Variants in TENM2 observed in about 807,000 individuals in gnomAD.
TENM2 encodes the protein teneurin transmembrane protein 2.
A neutral mutation model predicts 245.2 loss-of-function variants in TENM2; 52 were observed. That is an observed-to-expected ratio of 0.21 (90% CI 0.17 to 0.27). The LOEUF is 0.27. Ranked by LOEUF, TENM2 falls within the 10% of genes least tolerant of loss-of-function variation. TENM2 has a pLI of 1.00. For missense variants in TENM2, 3,046 were observed against 3,666.8 expected (o/e 0.83, Z 4.37); for synonymous variants, 1,363 against 1,438.9 (o/e 0.95, Z 1.19).
chr5:167,462,182 C>CCCCA (rs1554159696), intron 2 of TENM2, among the ~76,000 whole-genome samples: 1 of 16,398 alleles, frequency 6.1e-5, no homozygotes, highest in Non-Finnish European at 1.5e-4. Context: ...CTGACCCCCA[C>CCCCA]CCCCCCCCCC....
At chr5:167,049,208 C>T in the TENM2 span, among the ~76,000 whole-genome samples, 57 of 152,308 alleles carry the variant, frequency 3.7e-4, no homozygotes, top group Admixed American at 1.8e-3. Flanking sequence ...TATACCTACA[C>T]ATGTGCTTTC....
intron 4 of TENM2, among the ~76,000 whole-genome samples, chr5:167,957,636 C>G (rs915253751): frequency 2.6e-5 from 4 of 152,220 alleles, no homozygotes; most frequent in Admixed American, 2.0e-4. Context: ...CCTCTAAACA[C>G]TGCTTTAGCT....
intron 2 of TENM2, among the ~76,000 whole-genome samples, chr5:167,539,794 G>A (rs978317681): frequency 3.9e-5 from 6 of 152,124 alleles, no homozygotes; most frequent in South Asian, 2.1e-4. Flanking sequence ...TTTATAGAGC[G>A]GCTGGTATCA....
intron 2 of TENM2, among the ~76,000 whole-genome samples, chr5:167,405,253 G>T (rs960095610): frequency 6.6e-6 from 1 of 151,444 alleles, no homozygotes; most frequent in African/African-American, 2.4e-5. Context: ...TCTTGGCATC[G>T]TGTATGATTT....
At chr5:167,096,652 G>A in the TENM2 span, among the ~76,000 whole-genome samples, 1 of 152,160 alleles carries the variant, frequency 6.6e-6, no homozygotes, top group South Asian at 2.1e-4. Context: ...AGACTGGTCT[G>A]TGTTCTCTGA....
chr5:167,160,251 C>T, the TENM2 span, among the ~76,000 whole-genome samples: 1 of 152,214 alleles, frequency 6.6e-6, no homozygotes, highest in Non-Finnish European at 1.5e-5. Flanking sequence ...TCAGATAACG[C>T]CAAGCCAGCA....
intron 2 of TENM2, among the ~76,000 whole-genome samples, chr5:167,725,136 C>A (rs2150531985): frequency 6.6e-6 from 1 of 152,248 alleles, no homozygotes; most frequent in South Asian, 2.1e-4. Context: ...TAATTAAATA[C>A]ATGGGAAATG....
At chr5:167,082,051 T>C in the TENM2 span, among the ~76,000 whole-genome samples, 1,932 of 152,300 alleles carry the variant, frequency 0.013, 42 homozygotes, top group African/African-American at 0.043. Context: ...GTAAAAGTGC[T>C]TTCCTCATAG....
chr5:167,001,513 A>G, the TENM2 span, among the ~76,000 whole-genome samples: 3 of 152,110 alleles, frequency 2.0e-5, no homozygotes, highest in Non-Finnish European at 2.9e-5. Context: ...CATGAAAAGA[A>G]CAGTGTCTGA....
At chr5:167,247,062 A>G in the TENM2 span, among the ~76,000 whole-genome samples, 2 of 152,182 alleles carry the variant, frequency 1.3e-5, no homozygotes, top group Non-Finnish European at 2.9e-5. Context: ...TTATCAATAA[A>G]AGGATGTCAA....
intron 2 of TENM2, among the ~76,000 whole-genome samples, chr5:167,407,072 A>G (rs1285870884): frequency 1.3e-5 from 2 of 152,176 alleles, no homozygotes; most frequent in African/African-American, 4.8e-5. Flanking sequence ...AAAAGAAATG[A>G]GGATGGATTA....
intron 3 of TENM2, among the ~76,000 whole-genome samples, chr5:167,891,008 G>A (rs1170231462): frequency 6.6e-6 from 1 of 152,012 alleles, no homozygotes; most frequent in Non-Finnish European, 1.5e-5. Flanking sequence ...ACTTACTGGT[G>A]GACCATATTT....
chr5:167,142,871 C>T, the TENM2 span, among the ~76,000 whole-genome samples: 5 of 151,660 alleles, frequency 3.3e-5, no homozygotes, highest in South Asian at 6.2e-4. Context: ...TTTAAGCCAG[C>T]GAATCTGAGT....
chr5:167,038,600 G>A, the TENM2 span, among the ~76,000 whole-genome samples: 2 of 152,132 alleles, frequency 1.3e-5, no homozygotes, highest in Admixed American at 1.3e-4. Context: ...AGAATGATTA[G>A]AAAAGTTAGA....
chr5:167,427,996 C>T (rs1465974723), intron 2 of TENM2, among the ~76,000 whole-genome samples: 1 of 152,076 alleles, frequency 6.6e-6, no homozygotes, highest in East Asian at 1.9e-4. Flanking sequence ...AATAATAATT[C>T]CTGGTTTCAG....
At chr5:167,641,578 G>A (rs1397183357) in intron 2 of TENM2, among the ~76,000 whole-genome samples, 3 of 152,102 alleles carry the variant, frequency 2.0e-5, no homozygotes, top group Admixed American at 6.5e-5. Flanking sequence ...CAGAATGTAC[G>A]GCTGTAATGG....
chr5:167,754,090 T>G (rs2150663980), intron 2 of TENM2, among the ~76,000 whole-genome samples: 1 of 152,212 alleles, frequency 6.6e-6, no homozygotes, highest in East Asian at 1.9e-4. Context: ...AAAAGAAAAT[T>G]ACAAAAATAT....
chr5:167,530,806 T>C (rs929706927), intron 2 of TENM2, among the ~76,000 whole-genome samples: 3 of 152,212 alleles, frequency 2.0e-5, no homozygotes, highest in African/African-American at 7.2e-5. Flanking sequence ...GTCTGTTTAC[T>C]GTTTCCCTCA....
chr5:167,359,900 T>G (rs191623606), intron 1 of TENM2, among the ~76,000 whole-genome samples: 11 of 152,320 alleles, frequency 7.2e-5, no homozygotes, highest in African/African-American at 2.6e-4. Flanking sequence ...ACCATCATCC[T>G]TAGCAAACTA....
Sources: gnomAD v4.1 joint callset for allele counts (sites outside exome capture counted in the v4.1 genomes callset) on GRCh38, gnomAD v4.1.1 for gene constraint, MANE v1.5 for transcripts, NCBI Gene and HGNC (gene_info 2026-07-23, HGNC 2026-07-21) for gene names.